LRRC37A2: variants seen among roughly 807,000 people sequenced by gnomAD.
LRRC37A2 encodes the protein leucine-rich repeat-containing protein 37A2.
LRRC37A2 carries 9 observed loss-of-function variants against 68.8 expected under a neutral mutation model. That is an observed-to-expected ratio of 0.13 (90% CI 0.08 to 0.23). LRRC37A2 has a LOEUF of 0.23. Ranked by LOEUF, LRRC37A2 falls within the 10% of genes least tolerant of loss-of-function variation. The pLI is 1.00. For synonymous variants in LRRC37A2, 63 were observed against 367.6 expected, an observed-to-expected ratio of 0.17 and a Z score of 9.48; for missense variants, 168 against 950.4, an observed-to-expected ratio of 0.18 and a Z score of 10.82.
the LRRC37A2 span, among the ~76,000 whole-genome samples, chr17:46,881,313 T>C: frequency 6.6e-6 from 1 of 152,238 alleles, no homozygotes; most frequent in South Asian, 2.1e-4. Flanking sequence ...ATGCTCCTTC[T>C]ACCCAGTGTT....
At chr17:47,023,764 T>C in the LRRC37A2 span, among the ~76,000 whole-genome samples, 1 of 152,084 alleles carries the variant, frequency 6.6e-6, no homozygotes, top group African/African-American at 2.4e-5. Context: ...CCAGCTAATT[T>C]ATGTATTTTT....
the LRRC37A2 span, among the ~76,000 whole-genome samples, chr17:46,712,470 G>A: frequency 7.0e-4 from 106 of 152,308 alleles, no homozygotes; most frequent in African/African-American, 2.4e-3. Context: ...TACATAGCCC[G>A]ATAAATGGTG....
the LRRC37A2 span, among the ~76,000 whole-genome samples, chr17:46,597,788 CTTTTTTTTTTTTTTTT>C: frequency 2.3e-5 from 1 of 44,168 alleles, no homozygotes; most frequent in Non-Finnish European, 4.9e-5. Flanking sequence ...TTGCAATACT[CTTTTTTTTTTTTTTTT>C]TTTTTTTTTT....
At chr17:47,040,057 G>A in the LRRC37A2 span, among the ~76,000 whole-genome samples, 2,088 of 151,880 alleles carry the variant, frequency 0.014, 45 homozygotes, top group Non-Finnish European at 0.019. Context: ...TATTTGATGA[G>A]ACATTGCTTT....
chr17:46,719,518 ACTC>A, the LRRC37A2 span, among the ~76,000 whole-genome samples: 1 of 152,040 alleles, frequency 6.6e-6, no homozygotes, highest in African/African-American at 2.4e-5. The surrounding 1 kb of genome is among the most constrained non-coding windows in gnomAD (Gnocchi z 4.3). Context: ...CCATGGATAA[ACTC>A]CTCAAAACTG....
the LRRC37A2 span, among the ~76,000 whole-genome samples, chr17:46,490,784 T>C: frequency 6.7e-6 from 1 of 150,326 alleles, no homozygotes; most frequent in Non-Finnish European, 1.5e-5. Flanking sequence ...AGGAAAGTAA[T>C]GTAGAAAATT....
the LRRC37A2 span, among the ~76,000 whole-genome samples, chr17:46,766,063 A>G: frequency 6.6e-6 from 1 of 152,186 alleles, no homozygotes; most frequent in South Asian, 2.1e-4. Flanking sequence ...GATTGAGGAA[A>G]AAAAACACTC....
chr17:46,728,813 A>G, the LRRC37A2 span: 4 of 1,351,164 alleles, frequency 3.0e-6, no homozygotes, highest in Non-Finnish European at 4.1e-6. Flanking sequence ...GAATATGTAC[A>G]TGTGTATCAA....
chr17:46,878,871 C>T, the LRRC37A2 span, among the ~76,000 whole-genome samples: 1 of 152,208 alleles, frequency 6.6e-6, no homozygotes, highest in Non-Finnish European at 1.5e-5. Flanking sequence ...CACCCCAAGT[C>T]AATGGCACAG....
At chr17:46,552,691 C>T (rs1421132007) in intron 11 of LRRC37A2, 1 of 77,270 alleles carries the variant, frequency 1.3e-5, no homozygotes, top group East Asian at 2.4e-4. Flanking sequence ...CTAGATCAGG[C>T]TGAATATTTG....
the LRRC37A2 span, among the ~76,000 whole-genome samples, chr17:47,040,085 C>T: frequency 5.3e-5 from 8 of 151,736 alleles, no homozygotes; most frequent in African/African-American, 1.9e-4. Context: ...TCCTTTAGTT[C>T]TCTAGTCTAC....
the LRRC37A2 span, chr17:46,939,014 G>C: frequency 7.5e-7 from 1 of 1,326,174 alleles, no homozygotes. Flanking sequence ...TCTCACTCTC[G>C]CTCTCACTGG....
chr17:47,036,012 G>T, the LRRC37A2 span, among the ~76,000 whole-genome samples: 1 of 152,114 alleles, frequency 6.6e-6, no homozygotes, highest in Non-Finnish European at 1.5e-5. Flanking sequence ...AAATTGATTT[G>T]TCTTTTTATT....
chr17:46,707,717 C>A, the LRRC37A2 span, among the ~76,000 whole-genome samples: 2 of 152,032 alleles, frequency 1.3e-5, no homozygotes, highest in Non-Finnish European at 2.9e-5. Flanking sequence ...GAATTTTCTT[C>A]CTTTTTAAGG....
At chr17:46,990,947 A>G in the LRRC37A2 span, among the ~76,000 whole-genome samples, 2 of 152,214 alleles carry the variant, frequency 1.3e-5, no homozygotes, top group Non-Finnish European at 2.9e-5. Context: ...TTGGGATTAC[A>G]GGTGTGAGCC....
At chr17:46,779,824 T>C in the LRRC37A2 span, among the ~76,000 whole-genome samples, 11 of 152,236 alleles carry the variant, frequency 7.2e-5, no homozygotes, top group Admixed American at 1.3e-4. Context: ...CAAAGCGTGA[T>C]CTTGGCTCAC....
At chr17:46,993,089 T>TC in the LRRC37A2 span, among the ~76,000 whole-genome samples, 234 of 146,430 alleles carry the variant, frequency 1.6e-3, 1 homozygote, top group Admixed American at 6.8e-4. Context: ...TTTTTTTTTT[T>TC]GCTTATCTGT....
chr17:46,583,381 C>T, the LRRC37A2 span, among the ~76,000 whole-genome samples: 5 of 77,530 alleles, frequency 6.4e-5, 1 homozygote, highest in East Asian at 2.4e-4. Flanking sequence ...CTGCAACCTC[C>T]GCCTCCTGGG....
the LRRC37A2 span, among the ~76,000 whole-genome samples, chr17:46,816,771 T>C: frequency 6.6e-6 from 1 of 152,142 alleles, no homozygotes; most frequent in South Asian, 2.1e-4. Flanking sequence ...CCCTGCCACC[T>C]ATGGGCCGCC....
Sources: gnomAD v4.1 joint callset for allele counts (sites outside exome capture counted in the v4.1 genomes callset) on GRCh38, gnomAD v4.1.1 for gene constraint, Gnocchi (gnomAD v3.1) non-coding constraint, MANE v1.5 for transcripts, NCBI Gene and HGNC (gene_info 2026-07-23, HGNC 2026-07-21) for gene names.